The following RANBP17 variants were observed in gnomAD, a reference collection of about 807,000 sequenced individuals.
RANBP17 encodes RAN binding protein 17.
A neutral mutation model predicts 141.2 loss-of-function variants in RANBP17; 158 were observed. That is an observed-to-expected ratio of 1.12 (90% CI 0.98 to 1.28). RANBP17 has a LOEUF of 1.28. Among genes scored for constraint, RANBP17 ranks in the 50% most tolerant of loss-of-function variants. RANBP17 has a pLI of 0.00. For synonymous variants in RANBP17, 430 were observed against 450.0 expected, an observed-to-expected ratio of 0.96 and a Z score of 0.56; for missense variants, 1,438 against 1,290.7, an observed-to-expected ratio of 1.11 and a Z score of -1.75.
At chr5:171,219,358 G>A (rs1293903025) in intron 21 of RANBP17, among the ~76,000 whole-genome samples, 2 of 152,052 alleles carry the variant, frequency 1.3e-5, no homozygotes, top group Non-Finnish European at 1.5e-5. Context: ...AGAATCTGAC[G>A]ATTATGTGTC....
At chr5:171,224,385 C>T (rs1024609599) in intron 22 of RANBP17, among the ~76,000 whole-genome samples, 1 of 151,954 alleles carries the variant, frequency 6.6e-6, no homozygotes, top group Admixed American at 6.6e-5. Context: ...TATATTTTTT[C>T]CTTTAGGGTT....
At chr5:170,976,939 A>G (rs374467908) in intron 14 of RANBP17, among the ~76,000 whole-genome samples, 1 of 152,096 alleles carries the variant, frequency 6.6e-6, no homozygotes, top group Non-Finnish European at 1.5e-5. Context: ...ACTTTGGACA[A>G]TGGTTTCTTA....
At chr5:170,903,264 A>G (rs1019118912) in intron 5 of RANBP17, among the ~76,000 whole-genome samples, 2 of 152,212 alleles carry the variant, frequency 1.3e-5, no homozygotes, top group Admixed American at 6.5e-5. Flanking sequence ...TGAACTTCCA[A>G]GTGTCTTTGT....
chr5:171,183,467 C>T (rs750381509), intron 18 of RANBP17, 37 bp downstream of exon 18: 1 of 1,330,916 alleles, frequency 7.5e-7, no homozygotes, highest in Non-Finnish European at 1.1e-6. Flanking sequence ...AATAAGGGAT[C>T]AGCAATACAC....
Position 171,171,188 on chromosome 5 carries a change from A to G in RANBP17, c.1785-18A>G, listed in dbSNP as rs1035981734. The G allele has an allele frequency of 2.2e-6, 3 of 1,391,284 alleles. No homozygotes were observed. The highest frequency in any genetic ancestry group is 2.5e-5 in the South Asian group (2 of 81,040). The allele number at this position is 1,391,284 out of a possible 1,614,324, so 86.2% of individuals were successfully genotyped here. On this transcript the variant is annotated intron_variant, in intron 15 of 27. Transcript: ENST00000523189. ...GCAAATATCTTACTTATAATTAAAGACTTTTTTTCATATTTAGTGTTACAA... is the reference window on the plus strand; with the variant it reads ...GCAAATATCTTACTTATAATTAAAGGCTTTTTTTCATATTTAGTGTTACAA...
intron 12 of RANBP17, among the ~76,000 whole-genome samples, chr5:170,932,519 A>T (rs879492834): frequency 1.4e-4 from 22 of 151,972 alleles, no homozygotes; most frequent in African/African-American, 2.2e-4. Flanking sequence ...GTTTTTGTCC[A>T]TTCAGTATGA....
chr5:170,877,731 C>A (rs1270051711), intron 1 of RANBP17, among the ~76,000 whole-genome samples: 1 of 152,084 alleles, frequency 6.6e-6, no homozygotes, highest in Non-Finnish European at 1.5e-5. Context: ...ACTGAAGGAC[C>A]CTGGTAAATG....
intron 16 of RANBP17, among the ~76,000 whole-genome samples, chr5:171,174,994 C>G (rs973127102): frequency 6.6e-6 from 1 of 151,968 alleles, no homozygotes; most frequent in African/African-American, 2.4e-5. Context: ...TATTCCCCTC[C>G]CTGTGTCCAT....
chr5:171,183,492 A>G (rs914368477), intron 18 of RANBP17, 62 bp downstream of exon 18: 60 of 1,119,620 alleles, frequency 5.4e-5, no homozygotes, highest in Non-Finnish European at 7.7e-5. Flanking sequence ...GTGAATAAAG[A>G]AGTGGAGTAC....
rs529173311 is a variant in RANBP17 at position 171,188,027 on chromosome 5, CTA to C, written c.2038+4599_2038+4600del. 7.2e-5 allele frequency among the ~76,000 whole-genome samples: 11 copies of C among 152,228 alleles called. No individual in the cohort carries two copies. In the South Asian group the frequency reaches 2.1e-3, roughly 29 times the overall value. On this transcript the variant is annotated intron_variant, in intron 18 of 27. Transcript: ENST00000523189. ...TAAATGGAAAGGGGACTACACCCCT[CTA>C]TGTTTCTTGCTTTTTTTTCATGCTT...
At chr5:171,058,051 G>A (rs1313971784) in intron 14 of RANBP17, among the ~76,000 whole-genome samples, 1 of 151,968 alleles carries the variant, frequency 6.6e-6, no homozygotes, top group Non-Finnish European at 1.5e-5. Flanking sequence ...TATGTAGCTG[G>A]TTAGATATTG....
intron 14 of RANBP17, among the ~76,000 whole-genome samples, chr5:171,055,671 G>A (rs1364096272): frequency 1.3e-5 from 2 of 151,770 alleles, no homozygotes; most frequent in Non-Finnish European, 2.9e-5. Context: ...AAGATAACTT[G>A]GGGCTTCTGG....
chr5:171,082,471 A>T (rs1239775905), intron 14 of RANBP17, among the ~76,000 whole-genome samples: 1 of 152,168 alleles, frequency 6.6e-6, no homozygotes, highest in Non-Finnish European at 1.5e-5. Context: ...GTGTGGCAGA[A>T]GCTATAATCA....
At chr5:170,933,285 A>G (rs1490155717) in intron 12 of RANBP17, among the ~76,000 whole-genome samples, 4 of 151,942 alleles carry the variant, frequency 2.6e-5, no homozygotes, top group South Asian at 2.1e-4. Context: ...TATTGTGTCT[A>G]TTTGATTCCT....
At chr5:170,949,091 A>G (rs763883949) in intron 12 of RANBP17, among the ~76,000 whole-genome samples, 88 of 152,246 alleles carry the variant, frequency 5.8e-4, no homozygotes, top group African/African-American at 2.1e-3. Flanking sequence ...GCAGTGAGCT[A>G]TGATTTTGTC....
intron 14 of RANBP17, among the ~76,000 whole-genome samples, chr5:171,006,523 AC>A (rs1561979733): frequency 6.6e-6 from 1 of 152,066 alleles, no homozygotes. Context: ...CCACGTTCTC[AC>A]TCATAGGTGG....
intron 24 of RANBP17, among the ~76,000 whole-genome samples, chr5:171,259,789 T>G (rs1766161894): frequency 6.6e-6 from 1 of 152,006 alleles, no homozygotes; most frequent in Admixed American, 6.6e-5. Flanking sequence ...GAGACCAGCC[T>G]GGCCAACATG....
At chr5:171,246,288 A>G (rs1288732784) in intron 24 of RANBP17, among the ~76,000 whole-genome samples, 3 of 152,214 alleles carry the variant, frequency 2.0e-5, no homozygotes, top group Admixed American at 6.5e-5. Context: ...ACTCTGTACT[A>G]CAAGTTTTAG....
chr5:171,053,766 A>G (rs755467610), intron 14 of RANBP17, among the ~76,000 whole-genome samples: 4 of 150,870 alleles, frequency 2.7e-5, no homozygotes, highest in Non-Finnish European at 5.9e-5. Flanking sequence ...GTTGAATAGC[A>G]GTGGTGAAAG....
Sources: gnomAD v4.1 joint callset for allele counts (sites outside exome capture counted in the v4.1 genomes callset) on GRCh38, gnomAD v4.1.1 for gene constraint, MANE v1.5 for transcripts, NCBI Gene and HGNC (gene_info 2026-07-23, HGNC 2026-07-21) for gene names.